EYS: variants seen among roughly 807,000 people sequenced by gnomAD.
The protein encoded by EYS is protein eyes shut homolog.
EYS carries 250 observed loss-of-function variants against 282.1 expected under a neutral mutation model. The observed-to-expected ratio is 0.89, with a 90% CI of 0.80 to 0.98. EYS has a LOEUF of 0.98. EYS is among the 50% of genes least tolerant of loss of function. EYS has a pLI of 0.00. For synonymous variants in EYS, 1,355 were observed against 1,282.9 expected, an observed-to-expected ratio of 1.06 and a Z score of -1.20; for missense variants, 4,016 against 3,709.0, an observed-to-expected ratio of 1.08 and a Z score of -2.15.
chr6:64,676,046 C>A (rs544373281), intron 22 of EYS, among the ~76,000 whole-genome samples: 1 of 145,012 alleles, frequency 6.9e-6, no homozygotes, highest in South Asian at 2.2e-4. Context: ...ATATACATAT[C>A]TATATATATG....
chr6:64,817,966 A>G (rs1295818322), intron 21 of EYS, among the ~76,000 whole-genome samples: 1 of 152,182 alleles, frequency 6.6e-6, no homozygotes, highest in Non-Finnish European at 1.5e-5. Flanking sequence ...TGCTCATAGC[A>G]ATATATTCAC....
At chr6:64,895,911 TAAAGA>T (rs1407413125) in intron 18 of EYS, among the ~76,000 whole-genome samples, 1 of 152,014 alleles carries the variant, frequency 6.6e-6, no homozygotes, top group Non-Finnish European at 1.5e-5. Context: ...CATCCTAGTG[TAAAGA>T]AAAGTTAAAT....
At chr6:64,401,470 C>A (rs1293388278) in intron 28 of EYS, among the ~76,000 whole-genome samples, 3 of 151,684 alleles carry the variant, frequency 2.0e-5, no homozygotes, top group Non-Finnish European at 4.4e-5. Context: ...TTGGCTATTC[C>A]CACAAATATA....
chr6:64,073,481 C>A (rs1019705614), intron 32 of EYS, among the ~76,000 whole-genome samples: 1 of 151,808 alleles, frequency 6.6e-6, no homozygotes, highest in East Asian at 1.9e-4. Flanking sequence ...AGGAGGAACT[C>A]TGGTTTTTCC....
chr6:64,387,640 C>G (rs1483370585), intron 29 of EYS, among the ~76,000 whole-genome samples: 1 of 152,054 alleles, frequency 6.6e-6, no homozygotes, highest in Non-Finnish European at 1.5e-5. Flanking sequence ...ATATTTTTTA[C>G]TATCATGGAA....
chr6:63,914,240 A>C (rs928113191), intron 35 of EYS, among the ~76,000 whole-genome samples: 2 of 152,190 alleles, frequency 1.3e-5, no homozygotes, highest in African/African-American at 4.8e-5. Flanking sequence ...GTCTCACTTA[A>C]ACTGTCCAAA....
chr6:64,740,300 A>G (rs1772328658), intron 22 of EYS, among the ~76,000 whole-genome samples: 1 of 152,204 alleles, frequency 6.6e-6, no homozygotes, highest in Non-Finnish European at 1.5e-5. Flanking sequence ...AAAAAATATG[A>G]GAATGAATTA....
intron 2 of EYS, among the ~76,000 whole-genome samples, chr6:65,516,559 T>C (rs1176388041): frequency 6.6e-6 from 1 of 152,092 alleles, no homozygotes; most frequent in Non-Finnish European, 1.5e-5. Flanking sequence ...GATATTTCAG[T>C]ATAGAGTGAG....
At chr6:64,094,214 C>T (rs988440789) in intron 31 of EYS, among the ~76,000 whole-genome samples, 3 of 152,048 alleles carry the variant, frequency 2.0e-5, no homozygotes, top group Non-Finnish European at 4.4e-5. Flanking sequence ...GTCTAAAATT[C>T]TCTTTTTTGG....
At chr6:63,875,030 G>A (rs1489435152) in intron 35 of EYS, among the ~76,000 whole-genome samples, 1 of 152,190 alleles carries the variant, frequency 6.6e-6, no homozygotes, top group African/African-American at 2.4e-5. Context: ...TGATGAGAGA[G>A]GGCATCCCTG....
At chr6:64,310,994 G>T (rs1404754295) in intron 29 of EYS, among the ~76,000 whole-genome samples, 1 of 151,902 alleles carries the variant, frequency 6.6e-6, no homozygotes, top group Non-Finnish European at 1.5e-5. Flanking sequence ...TTTTATAATG[G>T]TGATAGTTGA....
chr6:65,498,439 C>T (rs937039656), intron 2 of EYS, among the ~76,000 whole-genome samples: 7 of 151,874 alleles, frequency 4.6e-5, no homozygotes, highest in East Asian at 3.9e-4. Context: ...CATGTAAATG[C>T]GAGGAAACAA....
intron 30 of EYS, among the ~76,000 whole-genome samples, chr6:64,242,865 A>G (rs1766877994): frequency 6.8e-6 from 1 of 147,116 alleles, no homozygotes; most frequent in South Asian, 2.1e-4. Context: ...AACATGAATT[A>G]TATAAATATA....
At chr6:64,122,058 C>CT (rs983887815) in intron 31 of EYS, among the ~76,000 whole-genome samples, 3 of 151,754 alleles carry the variant, frequency 2.0e-5, no homozygotes, top group Non-Finnish European at 4.4e-5. Context: ...GGGGTAGCAC[C>CT]TTTTTTTAGT....
intron 28 of EYS, among the ~76,000 whole-genome samples, chr6:64,396,292 G>T (rs1411660009): frequency 6.6e-6 from 1 of 152,062 alleles, no homozygotes; most frequent in Non-Finnish European, 1.5e-5. Flanking sequence ...ATTGTTTGAT[G>T]TACAGAAATG....
At chr6:65,648,021 A>G (rs1423925178) in intron 1 of EYS, among the ~76,000 whole-genome samples, 1 of 151,984 alleles carries the variant, frequency 6.6e-6, no homozygotes, top group East Asian at 1.9e-4. Context: ...AATAAAATAA[A>G]AAATAATAGA....
At chr6:64,664,823 C>T (rs956294146) in intron 22 of EYS, among the ~76,000 whole-genome samples, 1 of 152,124 alleles carries the variant, frequency 6.6e-6, no homozygotes, top group African/African-American at 2.4e-5. Flanking sequence ...CTTGGACTTC[C>T]CATCCTCCAG....
intron 22 of EYS, among the ~76,000 whole-genome samples, chr6:64,649,090 TTGA>T (rs1291895617): frequency 6.6e-6 from 1 of 152,120 alleles, no homozygotes; most frequent in African/African-American, 2.4e-5. Context: ...CAGTTAAGAA[TTGA>T]TGAGTCCAGA....
At chr6:64,895,288 T>A (rs1767423889) in intron 18 of EYS, among the ~76,000 whole-genome samples, 1 of 152,216 alleles carries the variant, frequency 6.6e-6, no homozygotes, top group African/African-American at 2.4e-5. Flanking sequence ...TGAGTCCAGC[T>A]ATGACATAGA....
Sources: gnomAD v4.1 joint callset for allele counts (sites outside exome capture counted in the v4.1 genomes callset) on GRCh38, gnomAD v4.1.1 for gene constraint, MANE v1.5 for transcripts, NCBI Gene and HGNC (gene_info 2026-07-23, HGNC 2026-07-21) for gene names.